The following UNC5D variants were observed in gnomAD, a reference collection of about 807,000 sequenced individuals.
UNC5D encodes the protein unc-5 netrin receptor D, also known as netrin receptor UNC5D.
Under a neutral mutation model 105.4 loss-of-function variants are expected in UNC5D, and 39 were observed. The observed-to-expected ratio is 0.37, with a 90% CI of 0.29 to 0.48. The LOEUF is 0.48. Among genes scored for constraint, UNC5D ranks in the 20% least tolerant of loss-of-function variants. The pLI is 0.98. For synonymous variants in UNC5D, 452 were observed against 450.4 expected (o/e 1.00, Z -0.04); for missense variants, 991 against 1,202.4 (o/e 0.82, Z 2.60).
intron 1 of UNC5D, among the ~76,000 whole-genome samples, chr8:35,533,799 A>G (rs955977878): frequency 4.6e-5 from 7 of 152,242 alleles, no homozygotes; most frequent in African/African-American, 1.7e-4. Flanking sequence ...GGGTGGGAGT[A>G]ACCCGATTTT....
At chr8:35,585,788 A>ATT (rs1818756901) in intron 3 of UNC5D, among the ~76,000 whole-genome samples, 1 of 151,602 alleles carries the variant, frequency 6.6e-6, no homozygotes, top group Non-Finnish European at 1.5e-5. Context: ...TAAGGGGAAT[A>ATT]TATATATTAT....
chr8:35,258,965 A>C (rs755935260), intron 1 of UNC5D, among the ~76,000 whole-genome samples: 1 of 152,108 alleles, frequency 6.6e-6, no homozygotes, highest in Non-Finnish European at 1.5e-5. Flanking sequence ...CACCAAGAAG[A>C]CCAAAGCCCG....
chr8:35,605,282 G>T (rs1191364274), intron 4 of UNC5D, among the ~76,000 whole-genome samples: 1 of 152,206 alleles, frequency 6.6e-6, no homozygotes. Flanking sequence ...CTCAGCTGCA[G>T]GTCTGTTGGG....
chr8:35,323,509 T>G (rs531676129), intron 1 of UNC5D, among the ~76,000 whole-genome samples: 1 of 152,288 alleles, frequency 6.6e-6, no homozygotes, highest in East Asian at 1.9e-4. Context: ...GAATATAAAC[T>G]ATGAAAAATA....
At chr8:35,331,017 TG>T (rs1563319372) in intron 1 of UNC5D, among the ~76,000 whole-genome samples, 1 of 152,136 alleles carries the variant, frequency 6.6e-6, no homozygotes, top group Non-Finnish European at 1.5e-5. Flanking sequence ...TTGGTTGGTT[TG>T]TTGTTTGCTA....
chr8:35,302,087 G>A (rs1467988168), intron 1 of UNC5D, among the ~76,000 whole-genome samples: 1 of 152,178 alleles, frequency 6.6e-6, no homozygotes, highest in African/African-American at 2.4e-5. Context: ...GGTGCTGGGG[G>A]AAGGAGGGAG....
chr8:35,345,150 T>C (rs1811716357), intron 1 of UNC5D, among the ~76,000 whole-genome samples: 1 of 152,050 alleles, frequency 6.6e-6, no homozygotes, highest in Non-Finnish European at 1.5e-5. Flanking sequence ...CTTTTCTCCA[T>C]GTGTGAGCTG....
rs141767661 is a variant in UNC5D, at chr8:35,679,169, C to G, written c.571-4378C>G. Among the ~76,000 whole-genome samples the G allele has an allele frequency of 3.5e-3, 533 of 152,134 alleles. 1 individual carries two copies. The highest frequency in any genetic ancestry group is 0.011 in the African/African-American group (452 of 41,526). The stretch of plus-strand genomic sequence containing the variant: ...GGAGGCTGAGGTGGGAGGATTGCTT[C>G]AGCCTGGAAGGTCAAGGCTGTAGTG... On this transcript the variant is annotated intron_variant, in intron 4 of 16. Coordinates refer to ENST00000404895, the MANE Select transcript of UNC5D (RefSeq NM_080872.4).
Position 35,300,446 on chromosome 8 carries a change from CAAAAAAAA to C in UNC5D, c.103+64600_103+64607del, listed in dbSNP as rs752599540. 1.2e-4 allele frequency among the ~76,000 whole-genome samples: 7 copies of C among 58,396 alleles called. 1 individual carries two copies. Among genetic ancestry groups the C allele is most frequent in the African/African-American group, 1.9e-4 (3 of 15,604 alleles). The allele number at this position is 58,396 out of a possible 152,430, so 38.3% of individuals were successfully genotyped here. ...TGGGCAACAGAGAGAGACTCCCTCT[CAAAAAAAA>C]AAAAAAAAAAAAAAAAAAAAAAAAA... is the stretch of plus-strand genomic sequence containing the variant. On this transcript the variant is annotated intron_variant, in intron 1 of 16. Coordinates refer to ENST00000404895, the MANE Select transcript of UNC5D (RefSeq NM_080872.4).
chr8:35,332,522 T>C (rs1192673656), intron 1 of UNC5D, among the ~76,000 whole-genome samples: 2 of 152,242 alleles, frequency 1.3e-5, no homozygotes, highest in African/African-American at 4.8e-5. Flanking sequence ...TCTTTTGCTT[T>C]AGTTGCTACA....
chr8:35,345,579 C>T (rs1355756789), intron 1 of UNC5D, among the ~76,000 whole-genome samples: 1 of 152,016 alleles, frequency 6.6e-6, no homozygotes, highest in African/African-American at 2.4e-5. Flanking sequence ...TCATCTTTGA[C>T]TGTGTTGGGC....
chr8:35,516,569 A>G (rs1224568941), intron 1 of UNC5D, among the ~76,000 whole-genome samples: 1 of 152,204 alleles, frequency 6.6e-6, no homozygotes, highest in Non-Finnish European at 1.5e-5. Context: ...CAGCCTTTGT[A>G]CTGGATTTGC....
intron 1 of UNC5D, among the ~76,000 whole-genome samples, chr8:35,413,247 G>A (rs954966534): frequency 2.2e-5 from 3 of 134,454 alleles, no homozygotes; most frequent in African/African-American, 8.6e-5. Flanking sequence ...CTAATCAGGT[G>A]GGGGCGGGTC....
intron 1 of UNC5D, among the ~76,000 whole-genome samples, chr8:35,349,165 G>GT (rs1563333882): frequency 6.6e-6 from 1 of 151,872 alleles, no homozygotes; most frequent in African/African-American, 2.4e-5. Flanking sequence ...AAAGGAAGGA[G>GT]TTTTTTAACA....
chr8:35,250,291 T>C (rs1803605801), intron 1 of UNC5D, among the ~76,000 whole-genome samples: 2 of 152,154 alleles, frequency 1.3e-5, no homozygotes, highest in African/African-American at 4.8e-5. Context: ...TGTTTGTTTG[T>C]TTTAAGTTCC....
At chr8:35,443,843 G>C (rs1232801276) in intron 1 of UNC5D, among the ~76,000 whole-genome samples, 1 of 151,894 alleles carries the variant, frequency 6.6e-6, no homozygotes, top group South Asian at 2.1e-4. Context: ...ATATATATTA[G>C]CTGATCATCT....
intron 7 of UNC5D, among the ~76,000 whole-genome samples, chr8:35,704,283 G>T (rs993230247): frequency 6.6e-6 from 1 of 152,146 alleles, no homozygotes; most frequent in Admixed American, 6.5e-5. Context: ...CACTGGAGCT[G>T]CATTTATAGC....
intron 4 of UNC5D, 59 bp from the exon 5 acceptor site, chr8:35,683,488 A>G (rs1825807872): frequency 2.0e-6 from 3 of 1,514,574 alleles, no homozygotes; most frequent in Non-Finnish European, 2.6e-6. Context: ...TCACTTTTCA[A>G]TTCCAGAAAA....
At chr8:35,682,265 G>A (rs1825719239) in intron 4 of UNC5D, among the ~76,000 whole-genome samples, 1 of 152,192 alleles carries the variant, frequency 6.6e-6, no homozygotes, top group Non-Finnish European at 1.5e-5. Context: ...ACTTGGCCCA[G>A]ATGACACGTT....
Sources: allele counts gnomAD v4.1 joint callset (sites outside exome capture counted in the v4.1 genomes callset), GRCh38; gene constraint gnomAD v4.1.1; transcripts MANE v1.5; gene names NCBI Gene and HGNC (gene_info 2026-07-23, HGNC 2026-07-21).